The following BAZ1A variants were observed in gnomAD, a reference collection of about 807,000 sequenced individuals.
BAZ1A encodes the protein bromodomain adjacent to zinc finger domain protein 1A.
In BAZ1A, 50 loss-of-function variants were observed where a neutral mutation model predicts 185.2. The ratio of observed to expected loss-of-function variants is 0.27; its 90% CI spans 0.22 to 0.34. The LOEUF is 0.34. Ranked by LOEUF, BAZ1A falls within the 10% of genes least tolerant of loss-of-function variation. The probability of loss-of-function intolerance (pLI) is 1.00; values close to 1 mark genes in which losing one functional copy is unlikely to be tolerated. For missense variants in BAZ1A, 1,356 were observed against 1,839.9 expected, an observed-to-expected ratio of 0.74 and a Z score of 4.81; for synonymous variants, 571 against 615.6, an observed-to-expected ratio of 0.93 and a Z score of 1.07.
At chr14:34,758,584 A>AAAC (rs988201346) in intron 25 of BAZ1A, 120 bp downstream of exon 25, 5 of 1,072,502 alleles carry the variant, frequency 4.7e-6, no homozygotes, top group Non-Finnish European at 6.6e-6. Context: ...TCTCAGGAAA[A>AAAC]AACAACAACA....
At chr14:34,858,626 A>G (rs2138810493) in intron 3 of BAZ1A, among the ~76,000 whole-genome samples, 1 of 152,232 alleles carries the variant, frequency 6.6e-6, no homozygotes, top group Middle Eastern at 3.4e-3. Flanking sequence ...ACAATTTAAA[A>G]AATTTTTATC....
intron 16 of BAZ1A, 79 bp downstream of exon 16, chr14:34,783,040 G>T: frequency 9.0e-7 from 1 of 1,113,664 alleles, no homozygotes; most frequent in Non-Finnish European, 1.3e-6. Flanking sequence ...AAATGTGAAA[G>T]CATTTTTAGA....
chr14:34,755,754 C>T (rs1886212132), intron 25 of BAZ1A, among the ~76,000 whole-genome samples: 1 of 151,700 alleles, frequency 6.6e-6, no homozygotes, highest in African/African-American at 2.4e-5. Context: ...AACCTAACTA[C>T]AACACCATCT....
At chr14:34,779,125 C>T (rs1316088514) in intron 17 of BAZ1A, among the ~76,000 whole-genome samples, 2 of 152,178 alleles carry the variant, frequency 1.3e-5, no homozygotes, top group African/African-American at 2.4e-5. Context: ...GCTGGGATTA[C>T]AGGCATGAGC....
At chr14:34,841,961 ATG>A (rs968071433) in intron 3 of BAZ1A, among the ~76,000 whole-genome samples, 2 of 152,142 alleles carry the variant, frequency 1.3e-5, no homozygotes, top group Non-Finnish European at 2.9e-5. Context: ...AAAATTTTTT[ATG>A]TTTTTTAACT....
chr14:34,875,282 G>T lies in BAZ1A; in HGVS notation c.-203C>A. The T allele has an allele frequency of 2.2e-6, 1 of 455,458 alleles. No individual in the cohort carries two copies. The highest frequency in any genetic ancestry group is 2.0e-5 in the African/African-American group (1 of 50,118). The allele number at this position is 455,458 out of a possible 1,614,324, so 28.2% of individuals were successfully genotyped here. On this transcript the variant is annotated 5_prime_UTR_variant, in exon 1 of 27. Transcript: ENST00000360310. ...TCCCGCTGCCACTGCCCGACTCCGC[G>T]CGGGGAATTGCGTCCCACCGCCACT...
At chr14:34,770,257 G>A (rs780893380) in intron 21 of BAZ1A, among the ~76,000 whole-genome samples, 11 of 152,134 alleles carry the variant, frequency 7.2e-5, no homozygotes, top group Non-Finnish European at 1.2e-4. Flanking sequence ...AGGTTCAAGC[G>A]ATTCTCCTGC....
chr14:34,828,960 G>T (rs78063541), intron 3 of BAZ1A, among the ~76,000 whole-genome samples: 2,140 of 152,240 alleles, frequency 0.014, 53 homozygotes, highest in African/African-American at 0.048. Context: ...ATCTGTACCT[G>T]CTCTGTAGAC....
chr14:34,767,432 C>A (rs1459431145), intron 21 of BAZ1A, among the ~76,000 whole-genome samples: 1 of 152,132 alleles, frequency 6.6e-6, no homozygotes, highest in Non-Finnish European at 1.5e-5. Context: ...TGCCTGTAGT[C>A]CCAGCTACTT....
chr14:34,808,492 T>C (rs1326526678), intron 5 of BAZ1A, among the ~76,000 whole-genome samples: 2 of 152,040 alleles, frequency 1.3e-5, no homozygotes, highest in East Asian at 3.9e-4. Context: ...AGTGAGACTC[T>C]GTCTCAAAAA....
At chr14:34,866,708 A>G (rs1182166873) in intron 2 of BAZ1A, among the ~76,000 whole-genome samples, 1 of 151,930 alleles carries the variant, frequency 6.6e-6, no homozygotes, top group Non-Finnish European at 1.5e-5. Context: ...CACATGAAGT[A>G]TACTTCTAAT....
intron 2 of BAZ1A, among the ~76,000 whole-genome samples, chr14:34,868,779 C>T (rs376370227): frequency 1.6e-4 from 24 of 150,256 alleles, no homozygotes; most frequent in Admixed American, 1.5e-3. Context: ...CCAGCCTGGG[C>T]GACACAGTGA....
At position 34,765,251 on chromosome 14, in the gene BAZ1A, G is replaced by A. The variant is rs760763324; in HGVS notation, c.3319C>T (p.Arg1107Cys). Residue 1107 changes from arginine (R) to cysteine (C), a missense_variant, in exon 22 of 27, where the codon CGT (arginine) becomes TGT (cysteine). Coordinates refer to ENST00000360310, the MANE Select transcript of BAZ1A (RefSeq NM_013448.3). ...CGGTCCAGAACTGTTTTATAAGAAC[G>A]CCCACTGTCACTGGCATCTTAAATG... ...KAPLDASDSG[R>C]SYKTVLDRWR... is the part of the protein sequence containing the mutation. 15 of 1,613,170 alleles carry A rather than the reference G, an allele frequency of 9.3e-6. No individual in the cohort carries two copies. Among genetic ancestry groups the A allele is most frequent in the South Asian group, 4.4e-5 (4 of 90,876 alleles).
chr14:34,853,341 T>C (rs938452390), intron 3 of BAZ1A, among the ~76,000 whole-genome samples: 1 of 152,202 alleles, frequency 6.6e-6, no homozygotes, highest in African/African-American at 2.4e-5. Flanking sequence ...CCCCTATCTT[T>C]GCCAAGTAGT....
rs1225939081 is a variant in BAZ1A, at chr14:34,784,367, C to CCAAAAAAAAAAAAAAA, written c.1832-441_1832-440insTTTTTTTTTTTTTTTG. On this transcript the variant is annotated intron_variant, in intron 14 of 26. Transcript: ENST00000360310. The stretch of plus-strand genomic sequence containing the variant: ...TGGGCAACTGAGTGAGACTCTGTCT[C>CCAAAAAAAAAAAAAAA]AAAAAAAAAAAAAAAAAAAAAAAAA... 3.4e-3 allele frequency among the ~76,000 whole-genome samples: 259 copies of CCAAAAAAAAAAAAAAA among 77,176 alleles called. 41 individuals are homozygous for CCAAAAAAAAAAAAAAA. The highest frequency in any genetic ancestry group is 0.013 in the African/African-American group (206 of 16,418). 50.6% of individuals were successfully genotyped at this position (77,176 alleles called of 152,430 possible). A position where few individuals can be genotyped will look rare whatever the true frequency, so the allele number is the denominator to read the frequency against.
chr14:34,842,595 A>G (rs1448100216), intron 3 of BAZ1A, among the ~76,000 whole-genome samples: 1 of 152,212 alleles, frequency 6.6e-6, no homozygotes, highest in African/African-American at 2.4e-5. Flanking sequence ...CGCTTTGACA[A>G]AAATTATAAA....
At chr14:34,760,443 G>A (rs922090628) in intron 24 of BAZ1A, among the ~76,000 whole-genome samples, 8 of 149,522 alleles carry the variant, frequency 5.4e-5, no homozygotes, top group Admixed American at 1.3e-4. Flanking sequence ...CTGCGTATCC[G>A]AATAATGCAA....
At chr14:34,757,291 G>C (rs1886293541) in intron 25 of BAZ1A, among the ~76,000 whole-genome samples, 1 of 148,864 alleles carries the variant, frequency 6.7e-6, no homozygotes, top group Non-Finnish European at 1.5e-5. Context: ...CTTGAACCCA[G>C]AAGGTGGAGG....
Position 34,874,449 on chromosome 14 carries a change from G to A in BAZ1A, c.113+43C>T. The A allele has an allele frequency of 5.2e-6, 8 of 1,535,446 alleles. No homozygotes were observed. Among genetic ancestry groups the A allele is most frequent in the Non-Finnish European group, 7.2e-6 (8 of 1,110,812 alleles). ...GAGACAAAAGAGCGCTGCGGGGGGA[G>A]TCCCCACACCCCCCGCGGCCCCGCA... On this transcript the variant is annotated intron_variant, in intron 2 of 26. Transcript: ENST00000360310. The surrounding 1 kb of genome is among the most constrained non-coding windows in gnomAD (Gnocchi z 4.7).
Sources: gnomAD v4.1 joint callset for allele counts (sites outside exome capture counted in the v4.1 genomes callset) on GRCh38, gnomAD v4.1.1 for gene constraint, Gnocchi (gnomAD v3.1) non-coding constraint, MANE v1.5 for transcripts, NCBI Gene and HGNC (gene_info 2026-07-23, HGNC 2026-07-21) for gene names.